MXRA5: variants seen among roughly 807,000 people sequenced by gnomAD.
MXRA5 encodes the protein matrix-remodeling-associated protein 5.
MXRA5 carries 41 observed loss-of-function variants against 112.5 expected under a neutral mutation model. The observed-to-expected ratio is 0.36, with a 90% CI of 0.28 to 0.47. The LOEUF is 0.47. Among genes scored for constraint, MXRA5 ranks in the 20% least tolerant of loss-of-function variants. The pLI is 0.99. For missense variants in MXRA5, 2,150 were observed against 2,251.0 expected (o/e 0.96, Z 0.91); for synonymous variants, 862 against 900.8 (o/e 0.96, Z 0.77).
intron 5 of MXRA5, among the ~76,000 whole-genome samples, 171 bp downstream of exon 5, chrX:3,319,837 A>G (rs914087819): frequency 9.0e-6 from 1 of 111,590 alleles, no homozygotes; most frequent in Non-Finnish European, 1.9e-5. Flanking sequence ...CTGAAGTTAT[A>G]AAAATAAAAA....
chrX:3,337,703 G>A (rs1329760134), intron 2 of MXRA5, among the ~76,000 whole-genome samples: 1 of 112,026 alleles, frequency 8.9e-6, no homozygotes, highest in African/African-American at 3.2e-5. Context: ...AGGGAGGGAG[G>A]CAGAAATGAG....
At chrX:3,331,780 T>G (rs1206254367) in intron 2 of MXRA5, among the ~76,000 whole-genome samples, 1 of 112,150 alleles carries the variant, frequency 8.9e-6, no homozygotes, top group East Asian at 2.8e-4. Context: ...TTGACCAATT[T>G]AGAAATTTCT....
chrX:3,310,359 C>T lies in MXRA5; in HGVS notation c.7844G>A (p.Arg2615His), dbSNP rs1920974649. The change falls in exon 7 of 7, where the codon CGC becomes CAC. Residue 2615 changes from arginine (R) to histidine (H), a missense_variant. By Grantham distance (29) the Arg-to-His change is conservative. Around this residue, in one of 6 missense-constraint regions of MXRA5, gnomAD observed 178 missense variants for 198.2 expected, o/e 0.90. Coordinates refer to ENST00000217939, the MANE Select transcript of MXRA5 (RefSeq NM_015419.4). ...GLSSVDAGAY[R>H]CVARNAAGHT... The stretch of plus-strand genomic sequence containing the variant: ...GCCAGCGGCATTGCGGGCCACGCAG[C>T]GGTAGGCCCCGGCGTCCACCGAGGA... The T allele has an allele frequency of 1.7e-6, 2 of 1,201,086 alleles. No individual in the cohort carries two copies. The highest frequency in any genetic ancestry group is 3.6e-5 in the African/African-American group (2 of 55,831).
Position 3,320,200 on chromosome X carries a change from A to G in MXRA5, c.5485T>C (p.Phe1829Leu), listed in dbSNP as rs1275564579. ...ITSSVQSSGSFHQSSSKFFAG... is the reference protein window; with the variant it reads ...ITSSVQSSGSLHQSSSKFFAG... ...AAGAACTTTGAGCTGCTCTGGTGGAAGCTTCCTGAGGACTGGACAGAAGAT... is the reference window on the plus strand; with the variant it reads ...AAGAACTTTGAGCTGCTCTGGTGGAGGCTTCCTGAGGACTGGACAGAAGAT... The change falls in exon 5 of 7, where the codon TTC (phenylalanine) becomes CTC (leucine). Residue 1829 changes from phenylalanine to leucine, a missense_variant. Coordinates refer to ENST00000217939, the MANE Select transcript of MXRA5 (RefSeq NM_015419.4). 5.0e-6 allele frequency: 6 copies of G among 1,209,120 alleles called. No homozygotes were observed. The highest frequency in any genetic ancestry group is 6.7e-6 in the Non-Finnish European group (6 of 895,122).
rs768058738 is a variant in MXRA5, at chrX:3,310,273, G to C, written c.7930C>G (p.His2644Asp). The C allele has an allele frequency of 1.4e-5, 17 of 1,208,990 alleles. No homozygotes were observed. Among genetic ancestry groups the C allele is most frequent in the Non-Finnish European group, 1.9e-5 (17 of 894,629 alleles). The change falls in exon 7 of 7, where the codon CAT (histidine) becomes GAT (aspartate). Residue 2644 changes from histidine to aspartate, a missense_variant. Physicochemically the swap from His to Asp is moderately conservative, Grantham distance 81 (BLOSUM62 -1). Transcript: ENST00000217939. ...CCATTGATGATGCTGACCAGGTTAT[G>C]ATACTGCTTGTTTGCTTCTGGCTTC... ...GLKPEANKQY[H>D]NLVSIINGET...
rs143071935 is a variant in MXRA5, at chrX:3,317,894, G to C, written c.5787C>G (p.Thr1929=). 2.6e-5 allele frequency: 32 copies of C among 1,209,217 alleles called. No individual in the cohort carries two copies. The highest frequency in any genetic ancestry group is 4.4e-5 in the Admixed American group (2 of 45,648). The change falls in exon 6 of 7, where the codon ACC becomes ACG. Residue 1929 remains threonine (T), a synonymous_variant. Transcript: ENST00000217939. ...QVQDRGQYMC[T]ASNLHGLDRM... is the part of the protein sequence containing the mutation. ...TGTCCAGGCCGTGCAGGTTGCTGGC[G>C]GTGCACATATACTGGCCTCGATCTT...
intron 4 of MXRA5, among the ~76,000 whole-genome samples, chrX:3,325,347 C>A (rs2146924260): frequency 9.1e-6 from 1 of 109,739 alleles, no homozygotes; most frequent in Non-Finnish European, 1.9e-5. Context: ...ATACTGCAAA[C>A]TGGGGAAGCA....
Position 3,323,765 on chromosome X carries a change from C to T in MXRA5, c.1920G>A (p.Lys640=). The T allele has an allele frequency of 8.3e-7, 1 of 1,211,903 alleles. No individual in the cohort carries two copies. The highest frequency in any genetic ancestry group is 1.1e-6 in the Non-Finnish European group (1 of 895,528). Residue 640 remains lysine (K), a synonymous_variant, in exon 5 of 7, where the codon AAG becomes AAA. Transcript: ENST00000217939. The part of the protein sequence containing the change: ...MLPNGTLSIP[K]VQVSDSGYYR... ...AGTAACCACTGTCACTGACTTGGAC[C>T]TTTGGGATGGAAAGAGTTCCATTTG... is the stretch of plus-strand genomic sequence containing the variant.
intron 2 of MXRA5, among the ~76,000 whole-genome samples, chrX:3,338,925 G>T (rs1173962874): frequency 1.6e-4 from 17 of 107,203 alleles, no homozygotes; most frequent in Non-Finnish European, 3.1e-4. Context: ...AGGTAGACAA[G>T]TAATAGGCAG....
At chrX:3,329,374 GGGAAGGAAGGAGAGAAGAAGGAA>G (rs1159843694) in intron 4 of MXRA5, among the ~76,000 whole-genome samples, 2 of 84,663 alleles carry the variant, frequency 2.4e-5, no homozygotes, top group African/African-American at 9.1e-5. Flanking sequence ...GAAAGAAGGA[GGGAAGGAAGGAGAGAAGAAGGAA>G]GGAAGGAAGG....
In MXRA5 at chrX:3,346,539, C is replaced by T. The variant is rs1462516794; in HGVS notation, c.-53G>A. On this transcript the variant is annotated 5_prime_UTR_variant, in exon 1 of 7. It adds an upstream start codon to the 5' untranslated region. Transcript: ENST00000217939. Reference sequence around the variant, plus strand: ...CCTGTCCTTGGGAAGCCGCCGCACACGGGAGCGGTGCGCCGGGAGCATCCA... The same window carrying T: ...CCTGTCCTTGGGAAGCCGCCGCACATGGGAGCGGTGCGCCGGGAGCATCCA... 3 of 753,194 alleles carry T rather than the reference C, an allele frequency of 4.0e-6. No homozygotes were observed. Among genetic ancestry groups the T allele is most frequent in the Non-Finnish European group, 4.7e-6 (3 of 639,066 alleles). The allele number at this position is 753,194 out of a possible 1,213,427, so 62.1% of individuals were successfully genotyped here.
chrX:3,327,449 C>T (rs1921540166), intron 4 of MXRA5, among the ~76,000 whole-genome samples: 2 of 112,163 alleles, frequency 1.8e-5, no homozygotes, highest in Non-Finnish European at 3.8e-5. Flanking sequence ...ACATGAATGC[C>T]CTGAAGATGA....
rs141500951 is a variant in MXRA5, at chrX:3,311,330, C to G, written c.6873G>C (p.Ser2291=). The change falls in exon 7 of 7, where the codon TCG becomes TCC. Residue 2291 remains serine, a synonymous_variant. Coordinates refer to ENST00000217939, the MANE Select transcript of MXRA5 (RefSeq NM_015419.4). The stretch of plus-strand genomic sequence containing the variant: ...GCTTGGTGCGTCCACCGCTGTCATC[C>G]GACTGCATGAAGGAGTTCACCAGAC... ...DGSLVNSFMQ[S]DDSGGRTKRY... is the part of the protein sequence containing the mutation. 1 of 1,211,956 alleles carries G rather than the reference C, an allele frequency of 8.3e-7. No individual in the cohort carries two copies. The highest frequency in any genetic ancestry group is 1.7e-5 in the African/African-American group (1 of 57,880).
At position 3,311,363 on chromosome X, in the gene MXRA5, T is replaced by C. The variant is rs1920988303; in HGVS notation, c.6840A>G (p.Pro2280=). Reference sequence around the variant, plus strand: ...TGAAGGAGTTCACCAGACTCCCGTCTGGGAGGCTCCAGGAGATCTCGGGAT... The same window carrying C: ...TGAAGGAGTTCACCAGACTCCCGTCCGGGAGGCTCCAGGAGATCTCGGGAT... ...LPNPEISWSL[P]DGSLVNSFMQ... is the part of the protein sequence containing the mutation. Residue 2280 remains proline (P), a synonymous_variant, in exon 7 of 7, where the codon CCA becomes CCG. Coordinates refer to ENST00000217939, the MANE Select transcript of MXRA5 (RefSeq NM_015419.4). 1 of 1,210,322 alleles carries C rather than the reference T, an allele frequency of 8.3e-7. No homozygotes were observed. Among genetic ancestry groups the C allele is most frequent in the Non-Finnish European group, 1.1e-6 (1 of 895,280 alleles).
At chrX:3,345,882 G>T (rs953261255) in intron 1 of MXRA5, among the ~76,000 whole-genome samples, 15 of 112,609 alleles carry the variant, frequency 1.3e-4, no homozygotes, top group Non-Finnish European at 1.5e-4. Context: ...AGTCCCCGCC[G>T]CCCGGGACTC....
chrX:3,345,158 A>AT (rs1470851172), intron 1 of MXRA5, among the ~76,000 whole-genome samples: 4 of 111,840 alleles, frequency 3.6e-5, no homozygotes, highest in Non-Finnish European at 7.5e-5. Flanking sequence ...AAATTCTAAA[A>AT]TCCTTCCTAT....
rs1475148046 is a variant in MXRA5, at chrX:3,324,290, G to A, written c.1395C>T (p.Thr465=). The part of the protein sequence containing the change: ...YYTQYSQTIS[T]KDTRQARGRS... Reference sequence around the variant, plus strand: ...TGCCCCGAGCCTGCCTTGTATCTTTGGTGGATATTGTTTGAGAATACTGGG... The same window carrying A: ...TGCCCCGAGCCTGCCTTGTATCTTTAGTGGATATTGTTTGAGAATACTGGG... Residue 465 remains threonine (T), a synonymous_variant, in exon 5 of 7, where the codon ACC becomes ACT. Coordinates refer to ENST00000217939, the MANE Select transcript of MXRA5 (RefSeq NM_015419.4). 1 of 1,209,769 alleles carries A rather than the reference G, an allele frequency of 8.3e-7. No homozygotes were observed. Among genetic ancestry groups the A allele is most frequent in the Non-Finnish European group, 1.1e-6 (1 of 895,208 alleles).
At chrX:3,334,640 T>A (rs1434112611) in intron 2 of MXRA5, among the ~76,000 whole-genome samples, 5 of 111,958 alleles carry the variant, frequency 4.5e-5, no homozygotes, top group Non-Finnish European at 9.4e-5. Context: ...GTTATATGAA[T>A]AAAGACATTC....
chrX:3,321,351 C>T lies in MXRA5; in HGVS notation c.4334G>A (p.Ser1445Asn), dbSNP rs1421003961. The T allele has an allele frequency of 8.3e-7, 1 of 1,210,046 alleles. No individual in the cohort carries two copies. Among genetic ancestry groups the T allele is most frequent in the African/African-American group, 1.7e-5 (1 of 57,204 alleles). ...ACTTGAAGCCACCTCCACTTTTATG[C>T]TTGAGAGAGTTGTGGAAGAACCAGC... ...EEAGSSTTLS[S>N]IKVEVASSQA... Residue 1445 changes from serine (S) to asparagine (N), a missense_variant, in exon 5 of 7, where the codon AGC becomes AAC. Ser to Asn is a conservative substitution (Grantham distance 46, BLOSUM62 1). This residue lies in a region of MXRA5 where 1,485 missense variants were observed against 1,471.6 expected (regional missense o/e 1.01). Coordinates refer to ENST00000217939, the MANE Select transcript of MXRA5 (RefSeq NM_015419.4).
Sources: allele counts gnomAD v4.1 joint callset (sites outside exome capture counted in the v4.1 genomes callset), GRCh38; gene constraint gnomAD v4.1.1; regional missense constraint gnomAD v4.1.1; transcripts MANE v1.5; gene names NCBI Gene and HGNC (gene_info 2026-07-23, HGNC 2026-07-21).